Variants in NSL1 observed in about 807,000 individuals in gnomAD.
The protein encoded by NSL1 is NSL1 component of MIS12 kinetochore complex.
In NSL1, 11 loss-of-function variants were observed where a neutral mutation model predicts 25.4. The observed-to-expected ratio is 0.43, with a 90% CI of 0.27 to 0.72. The LOEUF (loss-of-function observed/expected upper bound fraction) is 0.72. Among genes scored for constraint, NSL1 ranks in the 30% least tolerant of loss-of-function variants. The pLI is 0.19. For synonymous variants in NSL1, 118 were observed against 120.6 expected, an observed-to-expected ratio of 0.98 and a Z score of 0.14; for missense variants, 330 against 342.7, an observed-to-expected ratio of 0.96 and a Z score of 0.29.
chr1:212,751,587 A>T (rs76823965), intron 4 of NSL1, among the ~76,000 whole-genome samples: 3,470 of 152,344 alleles, frequency 0.023, 63 homozygotes, highest in South Asian at 0.042. Flanking sequence ...CTAAAACATT[A>T]AAACTCTAGA....
Position 212,732,462 on chromosome 1 carries a change from GCCACCACGCC to G in NSL1, c.*5936_*5945del, listed in dbSNP as rs371197076. On this transcript the variant is annotated 3_prime_UTR_variant, in exon 6 of 6. Transcript: ENST00000366977. ...TGAGTAGCTGGGATTACAGGCATGCGCCACCACGCCCAGCTAATTTTGTATTTTTAGTTGT... is the reference window on the plus strand; with the variant it reads ...TGAGTAGCTGGGATTACAGGCATGCGCAGCTAATTTTGTATTTTTAGTTGT... The G allele has an allele frequency of 2.0e-4, 74 of 361,888 alleles. No individual in the cohort carries two copies. The highest frequency in any genetic ancestry group is 1.5e-3 in the African/African-American group (66 of 45,296). The allele number at this position is 361,888 out of a possible 1,614,324, so 22.4% of individuals were successfully genotyped here. A position where few individuals can be genotyped will look rare whatever the true frequency, so the allele number is the denominator to read the frequency against.
rs1339571495 is a variant in NSL1 at position 212,784,384 on chromosome 1, T to C, written c.423A>G (p.Ile141Met). The C allele has an allele frequency of 2.5e-6, 4 of 1,580,462 alleles. No individual in the cohort carries two copies. The highest frequency in any genetic ancestry group is 3.4e-6 in the Non-Finnish European group (4 of 1,159,920). ...RKILECVIKT[I>M]KAKQEILKQY... Reference sequence around the variant, plus strand: ...TTACCAGAATTTCTTGTTTTGCTTTTATGGTTTTGATGACACATTCCAGGA... The same window carrying C: ...TTACCAGAATTTCTTGTTTTGCTTTCATGGTTTTGATGACACATTCCAGGA... The change falls in exon 3 of 6, where the codon ATA (isoleucine) becomes ATG (methionine). Residue 141 changes from isoleucine to methionine, a missense_variant. Coordinates refer to ENST00000366977, the MANE Select transcript of NSL1 (RefSeq NM_015471.4).
At chr1:212,744,995 G>C (rs1658691382) in intron 4 of NSL1, among the ~76,000 whole-genome samples, 1 of 151,964 alleles carries the variant, frequency 6.6e-6, no homozygotes, top group African/African-American at 2.4e-5. Flanking sequence ...AATTAGCTGG[G>C]CGTGGTGGTG....
Position 212,791,747 on chromosome 1 carries a change from T to G in NSL1, c.17A>C (p.Glu6Ala). 1 of 1,606,594 alleles carries G rather than the reference T, an allele frequency of 6.2e-7. No individual in the cohort carries two copies. ...CCATGGAGGGTCAAGGACCACCAAC[T>G]CAGGAGACCCCGCCATTTTTCGTCG... MAGSPELVVLDPPWDK... is the reference protein window; with the variant it reads MAGSPALVVLDPPWDK... The change falls in exon 1 of 6, where the codon GAG becomes GCG. Residue 6 changes from glutamate to alanine, a missense_variant. Physicochemically the swap from Glu to Ala is moderately radical, Grantham distance 107. Coordinates refer to ENST00000366977, the MANE Select transcript of NSL1 (RefSeq NM_015471.4).
Position 212,760,761 on chromosome 1 carries a change from T to C in NSL1, c.500-21160A>G, listed in dbSNP as rs892779063. Among the ~76,000 whole-genome samples the C allele has an allele frequency of 6.6e-6, 1 of 152,204 alleles. No homozygotes were observed. The highest frequency in any genetic ancestry group is 1.5e-5 in the Non-Finnish European group (1 of 68,032). ...TCCCATTGCTGTCACTGCTGGTACC[T>C]GAGCAAGCCACCTGGAGGCCCAAGA... On this transcript the variant is annotated intron_variant, in intron 4 of 5. Coordinates refer to ENST00000366977, the MANE Select transcript of NSL1 (RefSeq NM_015471.4). This position sits in a 1 kb window ranked among gnomAD's most constrained non-coding sequence, Gnocchi z 4.3.
At chr1:212,747,816 A>T (rs1658875964) in intron 4 of NSL1, among the ~76,000 whole-genome samples, 1 of 152,112 alleles carries the variant, frequency 6.6e-6, no homozygotes, top group Admixed American at 6.5e-5. Context: ...CCCAGGCTGG[A>T]GTGCAGTGGT....
chr1:212,740,653 A>G (rs550162313), intron 4 of NSL1, among the ~76,000 whole-genome samples: 3 of 152,278 alleles, frequency 2.0e-5, no homozygotes, highest in South Asian at 4.1e-4. Context: ...GACACAGGAC[A>G]TTTTCATCAC....
At chr1:212,753,255 G>A (rs903470319) in intron 4 of NSL1, among the ~76,000 whole-genome samples, 3 of 152,114 alleles carry the variant, frequency 2.0e-5, no homozygotes, top group East Asian at 1.9e-4. Flanking sequence ...ACCCTCGCTC[G>A]TTATTATCTG....
intron 4 of NSL1, among the ~76,000 whole-genome samples, chr1:212,754,619 A>C (rs1330064692): frequency 6.6e-6 from 1 of 152,004 alleles, no homozygotes; most frequent in Non-Finnish European, 1.5e-5. Context: ...TCTACTAAAA[A>C]TACAAAAATT....
intron 4 of NSL1, among the ~76,000 whole-genome samples, chr1:212,774,244 CTGAAA>C (rs1660254990): frequency 6.6e-6 from 1 of 152,048 alleles, no homozygotes; most frequent in Non-Finnish European, 1.5e-5. Flanking sequence ...AAGAGAAGAT[CTGAAA>C]TGTTCCCAGC....
intron 4 of NSL1, chr1:212,781,990 T>C (rs746563116): frequency 2.6e-5 from 13 of 499,470 alleles, no homozygotes; most frequent in Non-Finnish European, 3.5e-5. Flanking sequence ...GAGAAACCAA[T>C]GATGGTTACT....
chr1:212,780,006 C>T (rs1283620945), intron 4 of NSL1, among the ~76,000 whole-genome samples: 5 of 152,000 alleles, frequency 3.3e-5, no homozygotes, highest in African/African-American at 4.8e-5. Flanking sequence ...GGAGGTGTAC[C>T]CAACAGCTCA....
intron 1 of NSL1, among the ~76,000 whole-genome samples, chr1:212,790,158 T>C (rs1050138962): frequency 6.6e-6 from 1 of 152,042 alleles, no homozygotes; most frequent in Non-Finnish European, 1.5e-5. Flanking sequence ...GGACTACAGG[T>C]GCCTGCCACC....
In NSL1 at chr1:212,790,275, C is replaced by G. The variant is rs565757984; in HGVS notation, c.234+1255G>C. On this transcript the variant is annotated intron_variant, in intron 1 of 5. Coordinates refer to ENST00000366977, the MANE Select transcript of NSL1 (RefSeq NM_015471.4). ...ATCTCCTGACCTCGTGATCCGCCCG[C>G]CTCGGCCTCCCAAAGTGCTGGGATT... Among the ~76,000 whole-genome samples, 42 of 152,264 alleles carry G rather than the reference C, an allele frequency of 2.8e-4. No homozygotes were observed. In the South Asian group the frequency reaches 6.4e-3, roughly 23 times the overall value.
Position 212,784,446 on chromosome 1 carries a change from C to T in NSL1, c.361G>A (p.Asp121Asn). ...TACTGCTTACGTTTTGTGGCTATAT[C>T]TACTATGATTTCATCAAACTGATCT... ...LEDQFDEIIV[D>N]IATKRKQYPR... Residue 121 changes from aspartate to asparagine, a missense_variant, in exon 3 of 6, where the codon GAT becomes AAT. By Grantham distance (23) the Asp-to-Asn change is conservative. Coordinates refer to ENST00000366977, the MANE Select transcript of NSL1 (RefSeq NM_015471.4). 6.3e-7 allele frequency: 1 copy of T among 1,590,156 alleles called. No homozygotes were observed. The highest frequency in any genetic ancestry group is 8.6e-7 in the Non-Finnish European group (1 of 1,162,340).
intron 5 of NSL1, among the ~76,000 whole-genome samples, chr1:212,738,999 G>A (rs1326083288): frequency 6.6e-6 from 1 of 152,142 alleles, no homozygotes; most frequent in African/African-American, 2.4e-5. Context: ...CTGACCTCAG[G>A]TGATCTGACT....
In NSL1 at chr1:212,735,570, T is replaced by TG; in HGVS notation, c.*2837dup. ...GGGCTTGTGTTATGGACTCAATGTT[T>TG]GTGTCCCCCTAAAATCTGTATGATG... is the stretch of plus-strand genomic sequence containing the variant. On this transcript the variant is annotated 3_prime_UTR_variant, in exon 6 of 6. Coordinates refer to ENST00000366977, the MANE Select transcript of NSL1 (RefSeq NM_015471.4). 1.0e-6 allele frequency: 1 copy of TG among 982,800 alleles called. No homozygotes were observed. The highest frequency in any genetic ancestry group is 1.2e-6 in the Non-Finnish European group (1 of 827,524). The allele number at this position is 982,800 out of a possible 1,614,324, so 60.9% of individuals were successfully genotyped here.
intron 2 of NSL1, among the ~76,000 whole-genome samples, chr1:212,786,352 A>T (rs1660945017): frequency 1.3e-5 from 2 of 151,918 alleles, no homozygotes; most frequent in African/African-American, 4.8e-5. Flanking sequence ...CTAAATTTTC[A>T]TTTATCCATT....
In NSL1 at chr1:212,791,768, C is replaced by A; in HGVS notation, c.-5G>T. 1 of 1,602,462 alleles carries A rather than the reference C, an allele frequency of 6.2e-7. No individual in the cohort carries two copies. Among genetic ancestry groups the A allele is most frequent in the Non-Finnish European group, 8.5e-7 (1 of 1,172,902 alleles). ...CAACTCAGGAGACCCCGCCATTTTTCGTCGGAACTGTGGGCGGGGCACTCT... is the reference window on the plus strand; with the variant it reads ...CAACTCAGGAGACCCCGCCATTTTTAGTCGGAACTGTGGGCGGGGCACTCT... On this transcript the variant is annotated 5_prime_UTR_variant, in exon 1 of 6. Transcript: ENST00000366977.
Sources: allele counts gnomAD v4.1 joint callset (sites outside exome capture counted in the v4.1 genomes callset), GRCh38; gene constraint gnomAD v4.1.1; non-coding constraint Gnocchi (gnomAD v3.1); transcripts MANE v1.5; gene names NCBI Gene and HGNC (gene_info 2026-07-23, HGNC 2026-07-21).